Variants in TGFBR2 observed in about 807,000 individuals in gnomAD.
The protein encoded by TGFBR2 is TGF-beta receptor type-2.
Under a neutral mutation model 49.0 loss-of-function variants are expected in TGFBR2, and 18 were observed. The ratio of observed to expected loss-of-function variants is 0.37; its 90% CI spans 0.25 to 0.54. The LOEUF (loss-of-function observed/expected upper bound fraction) is 0.54. Among genes scored for constraint, TGFBR2 ranks in the 20% least tolerant of loss-of-function variants. TGFBR2 has a pLI of 0.85. For missense variants in TGFBR2, 525 were observed against 722.6 expected (o/e 0.73, Z 3.13); for synonymous variants, 282 against 275.9 (o/e 1.02, Z -0.22).
chr3:30,688,251 G>T lies in TGFBR2; in HGVS notation c.1397-133G>T, dbSNP rs958512261. On this transcript the variant is annotated intron_variant, in intron 5 of 6. Coordinates refer to ENST00000295754, the MANE Select transcript of TGFBR2 (RefSeq NM_003242.6). ...ATCTTAGCCATTATTATTAAAATTT[G>T]CTCTTAGAGTAATTACGTATGTATT... 1.3e-5 allele frequency: 15 copies of T among 1,121,232 alleles called. No individual in the cohort carries two copies. In the Admixed American group the frequency reaches 1.5e-4, roughly 11 times the overall value. The allele number at this position is 1,121,232 out of a possible 1,614,324, so 69.5% of individuals were successfully genotyped here. A position where few individuals can be genotyped will look rare whatever the true frequency, so the allele number is the denominator to read the frequency against.
intron 2 of TGFBR2, among the ~76,000 whole-genome samples, chr3:30,648,478 G>A (rs1389234442): frequency 1.5e-5 from 2 of 132,470 alleles, no homozygotes; most frequent in Non-Finnish European, 3.3e-5. Flanking sequence ...GTGGGGGCAG[G>A]GAGGAAGGTG....
At chr3:30,626,653 AC>A (rs1250218419) in intron 1 of TGFBR2, 1 of 152,568 alleles carries the variant, frequency 6.6e-6, no homozygotes, top group Admixed American at 6.5e-5. Flanking sequence ...TATTTGAACC[AC>A]CTTGGACCAC....
intron 1 of TGFBR2, among the ~76,000 whole-genome samples, chr3:30,607,799 A>AATATATATATATATATATTATATATATAT (rs1553624165): frequency 1.4e-5 from 2 of 138,320 alleles, no homozygotes; most frequent in African/African-American, 5.4e-5. Context: ...AAAATAAAAA[A>AATATATATATATATATATTATATATATAT]ATATATATAT....
intron 1 of TGFBR2, among the ~76,000 whole-genome samples, chr3:30,621,024 T>C (rs1198891630): frequency 6.6e-6 from 1 of 152,178 alleles, no homozygotes; most frequent in East Asian, 1.9e-4. Flanking sequence ...GCCTTCAGCC[T>C]TCTCGTCCAC....
At chr3:30,638,872 T>A (rs1006734624) in intron 1 of TGFBR2, among the ~76,000 whole-genome samples, 50 of 152,226 alleles carry the variant, frequency 3.3e-4, no homozygotes, top group Non-Finnish European at 1.0e-4. Flanking sequence ...TCGGAGCTGC[T>A]GTTGCTAGCA....
chr3:30,673,179 C>T (rs1354931638), intron 4 of TGFBR2, among the ~76,000 whole-genome samples: 8 of 152,130 alleles, frequency 5.3e-5, no homozygotes, highest in Non-Finnish European at 8.8e-5. Context: ...TGGCAGCGCA[C>T]GCAGTGTTGA....
At chr3:30,630,426 C>T (rs926488394) in intron 1 of TGFBR2, among the ~76,000 whole-genome samples, 2 of 152,186 alleles carry the variant, frequency 1.3e-5, no homozygotes, top group Non-Finnish European at 2.9e-5. Context: ...GTTATTTCAG[C>T]ACACAAATGT....
intron 5 of TGFBR2, among the ~76,000 whole-genome samples, chr3:30,685,745 A>G (rs1402224548): frequency 2.0e-5 from 3 of 152,144 alleles, no homozygotes; most frequent in Non-Finnish European, 4.4e-5. Flanking sequence ...GCCAAGGACA[A>G]TCCCCCAGAA....
At chr3:30,639,542 A>G (rs1364654987) in intron 1 of TGFBR2, among the ~76,000 whole-genome samples, 2 of 152,152 alleles carry the variant, frequency 1.3e-5, no homozygotes, top group African/African-American at 4.8e-5. Flanking sequence ...ACTATGCTAC[A>G]CCTGCAGGTT....
chr3:30,684,492 ATAT>A (rs1402776184), intron 5 of TGFBR2, among the ~76,000 whole-genome samples: 3 of 152,220 alleles, frequency 2.0e-5, no homozygotes. Context: ...TGAAAAACTA[ATAT>A]TAAAGGATTA....
intron 1 of TGFBR2, among the ~76,000 whole-genome samples, chr3:30,622,921 A>G (rs1461647500): frequency 1.3e-5 from 2 of 151,228 alleles, no homozygotes; most frequent in African/African-American, 4.8e-5. Flanking sequence ...AAGGAAAAAG[A>G]AAAAGAAAAA....
intron 2 of TGFBR2, among the ~76,000 whole-genome samples, chr3:30,645,127 A>G (rs536530417): frequency 1.3e-5 from 2 of 152,292 alleles, no homozygotes; most frequent in African/African-American, 2.4e-5. Context: ...ATATAAACGT[A>G]TCATGATTAT....
intron 5 of TGFBR2, among the ~76,000 whole-genome samples, chr3:30,678,273 C>T (rs1276425446): frequency 1.3e-5 from 2 of 152,106 alleles, no homozygotes; most frequent in Non-Finnish European, 1.5e-5. Context: ...TCCTGCCGGG[C>T]GCGGTGGCTC....
chr3:30,629,925 G>A (rs956558599), intron 1 of TGFBR2, among the ~76,000 whole-genome samples: 1 of 152,198 alleles, frequency 6.6e-6, no homozygotes, highest in Admixed American at 6.5e-5. Context: ...AGATCTCTGG[G>A]TTAAGCGCAT....
At chr3:30,619,128 A>G (rs1698183335) in intron 1 of TGFBR2, among the ~76,000 whole-genome samples, 1 of 152,004 alleles carries the variant, frequency 6.6e-6, no homozygotes, top group African/African-American at 2.4e-5. Flanking sequence ...TTCCATTGCA[A>G]CTCATATCTC....
At chr3:30,621,029 G>A (rs918679370) in intron 1 of TGFBR2, among the ~76,000 whole-genome samples, 11 of 152,086 alleles carry the variant, frequency 7.2e-5, no homozygotes, top group African/African-American at 1.7e-4. Flanking sequence ...CAGCCTTCTC[G>A]TCCACCATAG....
intron 3 of TGFBR2, among the ~76,000 whole-genome samples, chr3:30,657,310 G>C (rs12490419): frequency 0.16 from 24,526 of 152,144 alleles, 2,282 homozygotes; most frequent in East Asian, 0.37. Flanking sequence ...ACCCATCACT[G>C]AGCATGTCCT....
chr3:30,628,493 CA>C (rs5847642), intron 1 of TGFBR2, among the ~76,000 whole-genome samples: 63,410 of 102,974 alleles, frequency 0.62, 18,291 homozygotes, highest in East Asian at 0.72. Flanking sequence ...TTAAATCCTC[CA>C]AAAAAAAAAA....
intron 1 of TGFBR2, among the ~76,000 whole-genome samples, chr3:30,638,318 T>A (rs576156843): frequency 6.6e-6 from 1 of 152,332 alleles, no homozygotes; most frequent in East Asian, 1.9e-4. Flanking sequence ...AGTATTCACT[T>A]TGTCATCTCT....
Sources: allele counts gnomAD v4.1 joint callset (sites outside exome capture counted in the v4.1 genomes callset), GRCh38; gene constraint gnomAD v4.1.1; transcripts MANE v1.5; gene names NCBI Gene and HGNC (gene_info 2026-07-23, HGNC 2026-07-21).